Variants in USH2A observed in about 807,000 individuals in gnomAD.
USH2A encodes usherin, also known as Usher syndrome 2A (autosomal recessive, mild).
Under a neutral mutation model 538.9 loss-of-function variants are expected in USH2A, and 443 were observed. The ratio of observed to expected loss-of-function variants is 0.82; its 90% confidence interval spans 0.76 to 0.89. USH2A has a LOEUF of 0.89. USH2A is among the 40% of genes least tolerant of loss of function. The pLI is 0.00. For synonymous variants in USH2A, 2,413 were observed against 2,273.5 expected (o/e 1.06, Z -1.75); for missense variants, 6,633 against 6,324.8 (o/e 1.05, Z -1.65).
intron 26 of USH2A, among the ~76,000 whole-genome samples, chr1:216,083,003 G>A (rs968024622): frequency 3.0e-4 from 46 of 152,024 alleles, no homozygotes; most frequent in Non-Finnish European, 1.8e-4. Flanking sequence ...AAACAAGATA[G>A]GAAAGACTTT....
chr1:215,909,035 C>A (rs1445975464), intron 38 of USH2A, among the ~76,000 whole-genome samples: 1 of 149,556 alleles, frequency 6.7e-6, no homozygotes, highest in Non-Finnish European at 1.5e-5. Flanking sequence ...TATATATCTA[C>A]ATGTCATATA....
At chr1:216,024,831 A>G (rs1202125116) in intron 32 of USH2A, among the ~76,000 whole-genome samples, 1 of 151,970 alleles carries the variant, frequency 6.6e-6, no homozygotes, top group Non-Finnish European at 1.5e-5. Context: ...CACAGATGCC[A>G]TGTTTTATCT....
At chr1:216,288,941 G>T (rs1019493006) in intron 11 of USH2A, among the ~76,000 whole-genome samples, 3 of 152,052 alleles carry the variant, frequency 2.0e-5, no homozygotes, top group Admixed American at 1.3e-4. Flanking sequence ...AATTTTTGGA[G>T]AAACTATTCT....
chr1:215,755,613 C>A (rs1340823315), intron 58 of USH2A, among the ~76,000 whole-genome samples: 1 of 152,020 alleles, frequency 6.6e-6, no homozygotes, highest in African/African-American at 2.4e-5. Context: ...TTAATCTTTC[C>A]TTATATTATA....
intron 58 of USH2A, among the ~76,000 whole-genome samples, chr1:215,752,327 T>C (rs1204735154): frequency 6.6e-6 from 1 of 152,174 alleles, no homozygotes; most frequent in Non-Finnish European, 1.5e-5. Flanking sequence ...GTTCAAATGA[T>C]ACACAAAAGG....
In USH2A at chr1:215,786,706, T is replaced by C. The variant is rs773321515; in HGVS notation, c.10351A>G (p.Ile3451Val). The C allele has an allele frequency of 2.5e-6, 4 of 1,613,920 alleles. No individual in the cohort carries two copies. The highest frequency in any genetic ancestry group is 3.4e-6 in the Non-Finnish European group (4 of 1,179,932). The change falls in exon 52 of 72, where the codon ATT becomes GTT. Residue 3451 changes from isoleucine (I) to valine (V), a missense_variant. Physicochemically the swap from Ile to Val is conservative, Grantham distance 29. Coordinates refer to ENST00000307340, the MANE Select transcript of USH2A (RefSeq NM_206933.4). ...TACGTGTTTACACTCCCTGTATGAA[T>C]GGTTTCTTCGGCAGATGAACACATT... is the stretch of plus-strand genomic sequence containing the variant. ...EEMCSSAEET[I>V]HTGSVNTYSY...
In USH2A at chr1:215,734,873, A is replaced by G. The variant is rs374511555; in HGVS notation, c.11712-6489T>C. 2.5e-4 allele frequency among the ~76,000 whole-genome samples: 38 copies of G among 152,278 alleles called. No homozygotes were observed. The East Asian group carries it at 5.8e-3, about 23-fold the overall frequency. On this transcript the variant is annotated intron_variant, in intron 60 of 71. Coordinates refer to ENST00000307340, the MANE Select transcript of USH2A (RefSeq NM_206933.4). ...TATTTCTATCAGCATTTTGGTGAGA[A>G]CCATTTAACCAGTCTCTAAGAAGTT...
intron 30 of USH2A, among the ~76,000 whole-genome samples, chr1:216,068,213 G>A (rs1558240472): frequency 6.6e-6 from 1 of 152,202 alleles, no homozygotes; most frequent in Non-Finnish European, 1.5e-5. Context: ...CCAGTTAAGT[G>A]AGGACAAAAT....
chr1:216,414,696 C>A (rs756805202), intron 3 of USH2A, among the ~76,000 whole-genome samples: 1 of 151,934 alleles, frequency 6.6e-6, no homozygotes, highest in African/African-American at 2.4e-5. Context: ...TGGGCCATTC[C>A]ACGAATAGAG....
At chr1:215,787,247 T>C (rs1187501553) in intron 51 of USH2A, among the ~76,000 whole-genome samples, 1 of 152,206 alleles carries the variant, frequency 6.6e-6, no homozygotes, top group Non-Finnish European at 1.5e-5. Flanking sequence ...GACTCAAAAC[T>C]GATAAGTCTT....
intron 37 of USH2A, among the ~76,000 whole-genome samples, chr1:215,951,437 A>G (rs940386162): frequency 4.6e-5 from 7 of 152,088 alleles, no homozygotes; most frequent in African/African-American, 1.7e-4. Context: ...TATAATTTCT[A>G]TTCTTTTACA....
In USH2A at chr1:215,782,917, T is replaced by C. The variant is rs982424534; in HGVS notation, c.10406A>G (p.Tyr3469Cys). 3.7e-6 allele frequency: 6 copies of C among 1,613,470 alleles called. No homozygotes were observed. Among genetic ancestry groups the C allele is most frequent in the East Asian group, 2.2e-5 (1 of 44,872 alleles). The change falls in exon 53 of 72, where the codon TAC (tyrosine) becomes TGC (cysteine). Residue 3469 changes from tyrosine (Y) to cysteine (C), a missense_variant. Coordinates refer to ENST00000307340, the MANE Select transcript of USH2A (RefSeq NM_206933.4). The stretch of plus-strand genomic sequence containing the variant: ...AGAAATCCTGTACTCATATGTCATG[T>C]AGGGCTTGAGGTTCACATCTGGAAA... ...YSYTDVNLKP[Y>C]MTYEYRISAW...
At chr1:216,416,542 C>T (rs959338036) in intron 3 of USH2A, among the ~76,000 whole-genome samples, 1 of 152,114 alleles carries the variant, frequency 6.6e-6, no homozygotes, top group African/African-American at 2.4e-5. Context: ...CTCATTAAAT[C>T]ATAAGTACTT....
At chr1:215,805,249 C>A (rs1033302051) in intron 49 of USH2A, among the ~76,000 whole-genome samples, 1 of 151,266 alleles carries the variant, frequency 6.6e-6, no homozygotes, top group East Asian at 2.0e-4. Flanking sequence ...CTAACCTGCA[C>A]GTTGTGCACA....
chr1:216,374,715 T>C (rs1167708510), intron 3 of USH2A, among the ~76,000 whole-genome samples: 1 of 152,156 alleles, frequency 6.6e-6, no homozygotes, highest in Non-Finnish European at 1.5e-5. Flanking sequence ...TCTCAATATG[T>C]ATTTCAGTGC....
At chr1:216,059,763 C>T (rs571123389) in intron 30 of USH2A, among the ~76,000 whole-genome samples, 200 of 152,134 alleles carry the variant, frequency 1.3e-3, no homozygotes, top group Admixed American at 2.2e-3. Context: ...TTTTATTTTA[C>T]TGTTTTTTCT....
intron 38 of USH2A, among the ~76,000 whole-genome samples, chr1:215,902,803 A>G (rs1409682012): frequency 1.3e-5 from 2 of 152,120 alleles, no homozygotes; most frequent in Admixed American, 1.3e-4. Flanking sequence ...CAAAGGCAGT[A>G]AGGAGGAAAA....
chr1:216,417,945 G>C (rs776421957), intron 3 of USH2A, among the ~76,000 whole-genome samples: 9 of 152,046 alleles, frequency 5.9e-5, no homozygotes, highest in Admixed American at 6.6e-5. Flanking sequence ...GTAAATACCA[G>C]ACATGTCACA....
At chr1:215,966,091 T>A (rs1038202334) in intron 36 of USH2A, among the ~76,000 whole-genome samples, 2 of 151,976 alleles carry the variant, frequency 1.3e-5, no homozygotes, top group African/African-American at 4.8e-5. Context: ...AGGGACTCTA[T>A]CCCTAAGGCA....
Sources: gnomAD v4.1 joint callset for allele counts (sites outside exome capture counted in the v4.1 genomes callset) on GRCh38, gnomAD v4.1.1 for gene constraint, MANE v1.5 for transcripts, NCBI Gene and HGNC (gene_info 2026-07-23, HGNC 2026-07-21) for gene names.